The following SORCS2 variants were observed in gnomAD, a reference collection of about 807,000 sequenced individuals.
SORCS2 encodes the protein VPS10 domain-containing receptor SorCS2.
In SORCS2, 100 loss-of-function variants were observed where a neutral mutation model predicts 141.6. The observed-to-expected ratio is 0.71, with a 90% CI of 0.60 to 0.83. SORCS2 has a LOEUF of 0.83. SORCS2 is among the 40% of genes least tolerant of loss of function. The pLI is 0.00. For synonymous variants in SORCS2, 789 were observed against 676.9 expected (o/e 1.17, Z -2.57); for missense variants, 1,646 against 1,560.2 (o/e 1.05, Z -0.93).
At chr4:7,677,920 G>A (rs1405109795) in intron 9 of SORCS2, among the ~76,000 whole-genome samples, 1 of 152,120 alleles carries the variant, frequency 6.6e-6, no homozygotes, top group Admixed American at 6.5e-5. Context: ...TTCCAGCACA[G>A]ACCTGCCTCC....
intron 9 of SORCS2, among the ~76,000 whole-genome samples, chr4:7,679,663 A>G (rs1473482691): frequency 6.6e-6 from 1 of 151,142 alleles, no homozygotes; most frequent in African/African-American, 2.4e-5. Context: ...CTGCAGAGGG[A>G]GCGCAGCCCT....
intron 18 of SORCS2, 65 bp from the exon 19 acceptor site, chr4:7,723,632 T>TGAAC: frequency 6.4e-7 from 1 of 1,559,064 alleles, no homozygotes; most frequent in Non-Finnish European, 8.8e-7. Flanking sequence ...AGTGAGTGAA[T>TGAAC]GAACCACTCT....
chr4:7,540,515 C>T (rs1183314934), intron 3 of SORCS2, among the ~76,000 whole-genome samples: 1 of 152,204 alleles, frequency 6.6e-6, no homozygotes, highest in Non-Finnish European at 1.5e-5. Context: ...CAGAATCTGC[C>T]CTTGCGCTTC....
chr4:7,670,314 AT>A (rs528069388), intron 8 of SORCS2, among the ~76,000 whole-genome samples: 7 of 152,168 alleles, frequency 4.6e-5, no homozygotes, highest in East Asian at 3.9e-4. Context: ...ACTTGTCATC[AT>A]TTTTTTTAAA....
chr4:7,674,565 C>A, intron 8 of SORCS2, among the ~76,000 whole-genome samples: 1 of 132,342 alleles, frequency 7.6e-6, no homozygotes, highest in African/African-American at 3.0e-5. Flanking sequence ...CAGAGCGAGA[C>A]TCTGTCTCAA....
intron 1 of SORCS2, among the ~76,000 whole-genome samples, chr4:7,260,352 C>T (rs529841263): frequency 3.3e-5 from 5 of 152,034 alleles, no homozygotes; most frequent in Non-Finnish European, 7.4e-5. Context: ...TCTGCCTGGG[C>T]TCCTCTATCT....
intron 2 of SORCS2, among the ~76,000 whole-genome samples, chr4:7,497,778 C>G (rs995597853): frequency 5.3e-5 from 8 of 152,266 alleles, no homozygotes; most frequent in African/African-American, 1.7e-4. Flanking sequence ...AGGTGACTCC[C>G]TTGTGGGAGA....
In SORCS2 at chr4:7,255,845, G is replaced by GTGGGGACCCGGGGTTGGTGCA. The variant is rs1560143776; in HGVS notation, c.480+62732_480+62733insTTGGTGCATGGGGACCCGGGG. On this transcript the variant is annotated intron_variant, in intron 1 of 26. Coordinates refer to ENST00000507866, the MANE Select transcript of SORCS2 (RefSeq NM_020777.3). ...GAGCGTGGGGACCCGGGGTTGGTGC[G>GTGGGGACCCGGGGTTGGTGCA]TGGGGACCCGGGGCTGGAGCGTGGG... 4.3e-3 allele frequency among the ~76,000 whole-genome samples: 622 copies of GTGGGGACCCGGGGTTGGTGCA among 146,142 alleles called. 32 individuals carry two copies. Among genetic ancestry groups the GTGGGGACCCGGGGTTGGTGCA allele is most frequent in the Admixed American group, 0.04 (582 of 14,478 alleles).
chr4:7,301,254 CT>C (rs1678031878), intron 1 of SORCS2, among the ~76,000 whole-genome samples: 1 of 152,204 alleles, frequency 6.6e-6, no homozygotes, highest in Non-Finnish European at 1.5e-5. Context: ...GTGCCAGTCA[CT>C]GTGCTAGACG....
intron 3 of SORCS2, among the ~76,000 whole-genome samples, chr4:7,633,196 A>T (rs1341984439): frequency 2.0e-5 from 3 of 152,130 alleles, no homozygotes; most frequent in Non-Finnish European, 4.4e-5. Context: ...TTCCACCCAG[A>T]GGGAACAGTA....
At chr4:7,508,899 T>C (rs1007808315) in intron 2 of SORCS2, among the ~76,000 whole-genome samples, 2 of 151,510 alleles carry the variant, frequency 1.3e-5, no homozygotes, top group African/African-American at 4.9e-5. Context: ...CTGGAGGGAG[T>C]GAGCAGAAGT....
intron 18 of SORCS2, among the ~76,000 whole-genome samples, chr4:7,720,743 A>T (rs934793937): frequency 2.0e-5 from 3 of 152,200 alleles, no homozygotes; most frequent in Non-Finnish European, 4.4e-5. Flanking sequence ...ACACGAAAAG[A>T]TGACAAACGC....
rs1378371269 is a variant in SORCS2 at position 7,387,556 on chromosome 4, TATGTACACACGC to T, written c.481-8730_481-8719del. ...ACATGCACACACATGCACATACACATATGTACACACGCACACATGCACACACATACAGGTACA... is the reference window on the plus strand; with the variant it reads ...ACATGCACACACATGCACATACACATACACATGCACACACATACAGGTACA... On this transcript the variant is annotated intron_variant, in intron 1 of 26. Transcript: ENST00000507866. Among the ~76,000 whole-genome samples, 160 of 65,512 alleles carry T rather than the reference TATGTACACACGC, an allele frequency of 2.4e-3. 6 individuals are homozygous for T. Among genetic ancestry groups the T allele is most frequent in the African/African-American group, 7.5e-3 (149 of 19,742 alleles). 43.0% of individuals were successfully genotyped at this position (65,512 alleles called of 152,430 possible). A position where few individuals can be genotyped will look rare whatever the true frequency, so the allele number is the denominator to read the frequency against.
chr4:7,455,656 G>T (rs906898595), intron 2 of SORCS2, among the ~76,000 whole-genome samples: 1 of 149,544 alleles, frequency 6.7e-6, no homozygotes, highest in South Asian at 2.2e-4. Flanking sequence ...GTCAGGCTTC[G>T]TGTTGGGGTC....
chr4:7,689,387 T>C, intron 10 of SORCS2, 99 bp from the exon 11 acceptor site: 2 of 1,156,186 alleles, frequency 1.7e-6, no homozygotes, highest in South Asian at 2.9e-5. Context: ...CAGCCTTCTC[T>C]CCCAAAAAGC....
chr4:7,380,364 C>T (rs1722909822), intron 1 of SORCS2, among the ~76,000 whole-genome samples: 1 of 152,258 alleles, frequency 6.6e-6, no homozygotes, highest in Non-Finnish European at 1.5e-5. Context: ...AGTCTCACAG[C>T]TGTTTCCTGC....
chr4:7,324,655 G>T lies in SORCS2; in HGVS notation c.481-71633G>T, dbSNP rs181252327. Among the ~76,000 whole-genome samples, 55 of 152,326 alleles carry T rather than the reference G, an allele frequency of 3.6e-4. No individual in the cohort carries two copies. The East Asian group carries it at 0.01, about 29-fold the overall frequency. ...TGCAGCCTGGGCCACCAGGCCAGGC[G>T]ATGGGCTTTTTGCCAGGAGACCTCC... On this transcript the variant is annotated intron_variant, in intron 1 of 26. Transcript: ENST00000507866.
At chr4:7,640,102 GGTGT>G (rs1478731921) in intron 4 of SORCS2, among the ~76,000 whole-genome samples, 1 of 151,478 alleles carries the variant, frequency 6.6e-6, no homozygotes, top group Non-Finnish European at 1.5e-5. Context: ...TGTGCTTGTA[GGTGT>G]GTGTAAGAAG....
chr4:7,298,171 C>T (rs1014691455), intron 1 of SORCS2, among the ~76,000 whole-genome samples: 2 of 152,068 alleles, frequency 1.3e-5, no homozygotes, highest in Non-Finnish European at 2.9e-5. Flanking sequence ...CTGTGTGCAC[C>T]GCAGGCATGC....
Sources: allele counts gnomAD v4.1 joint callset (sites outside exome capture counted in the v4.1 genomes callset), GRCh38; gene constraint gnomAD v4.1.1; transcripts MANE v1.5; gene names NCBI Gene and HGNC (gene_info 2026-07-23, HGNC 2026-07-21).